Variants in SLC39A14 observed in about 807,000 individuals in gnomAD.
SLC39A14 encodes solute carrier family 39 member 14.
SLC39A14 carries 19 observed loss-of-function variants against 45.5 expected under a neutral mutation model. The observed-to-expected ratio is 0.42, with a 90% confidence interval of 0.29 to 0.61. The LOEUF (loss-of-function observed/expected upper bound fraction) is 0.61. Among genes scored for constraint, SLC39A14 ranks in the 20% least tolerant of loss-of-function variants. SLC39A14 has a pLI of 0.22. For missense variants in SLC39A14, 447 were observed against 616.5 expected, an observed-to-expected ratio of 0.73 and a Z score of 2.91; for synonymous variants, 264 against 251.3, an observed-to-expected ratio of 1.05 and a Z score of -0.48.
At chr8:22,432,379 T>C (rs941197758) in intron 8 of SLC39A14, among the ~76,000 whole-genome samples, 1 of 135,032 alleles carries the variant, frequency 7.4e-6, no homozygotes, top group African/African-American at 2.6e-5. Flanking sequence ...GAAAAGTGCT[T>C]CCTTCTTTTT....
chr8:22,393,157 G>A, intron 1 of SLC39A14: 6 of 978,546 alleles, frequency 6.1e-6, no homozygotes, highest in Non-Finnish European at 7.3e-6. Context: ...CACCCTGGGT[G>A]CGCTTTGACT....
At chr8:22,380,767 C>A (rs1485096667) in intron 1 of SLC39A14, among the ~76,000 whole-genome samples, 1 of 151,716 alleles carries the variant, frequency 6.6e-6, no homozygotes, top group Non-Finnish European at 1.5e-5. Flanking sequence ...GATTTGACCT[C>A]CCGGGCTCAA....
chr8:22,373,372 A>G (rs1315483187), intron 1 of SLC39A14, among the ~76,000 whole-genome samples: 2 of 152,168 alleles, frequency 1.3e-5, no homozygotes, highest in African/African-American at 2.4e-5. Context: ...TAAAATAATT[A>G]TTTATTGGAT....
At chr8:22,417,988 C>T (rs1835990605) in intron 8 of SLC39A14, among the ~76,000 whole-genome samples, 153 bp downstream of exon 8, 1 of 151,918 alleles carries the variant, frequency 6.6e-6, no homozygotes, top group Non-Finnish European at 1.5e-5. Flanking sequence ...CTGCAACCTC[C>T]GCGTCCCGGG....
In SLC39A14 at chr8:22,417,652, A is replaced by C; in HGVS notation, c.1149A>C (p.Gly383=). The C allele has an allele frequency of 3.1e-6, 5 of 1,612,272 alleles. No homozygotes were observed. Among genetic ancestry groups the C allele is most frequent in the Non-Finnish European group, 4.2e-6 (5 of 1,179,256 alleles). ...CCCTTTTCATTCTCGCTGCTGTAGG[A>C]GACTTTGTCATCCTGCTCAACGCTG... The part of the protein sequence containing the change: ...ILCEEFPHEL[G]DFVILLNAGM... The change falls in exon 8 of 9, where the codon GGA becomes GGC. Residue 383 remains glycine (G), a splice_region_variant and synonymous_variant. Coordinates refer to ENST00000381237, the MANE Select transcript of SLC39A14 (RefSeq NM_001128431.4).
Position 22,408,820 on chromosome 8 carries a change from C to CTTTT in SLC39A14, c.457+337_457+340dup, listed in dbSNP as rs71544900. ...GGCCCAACCCTTTGGCTTTTTTAAT[C>CTTTT]TTTTTTTTTTTTTTTTCTGAGATAG... On this transcript the variant is annotated intron_variant, in intron 3 of 8. Transcript: ENST00000381237. 1.8e-3 allele frequency among the ~76,000 whole-genome samples: 238 copies of CTTTT among 130,536 alleles called. 10 individuals are homozygous for CTTTT. The highest frequency in any genetic ancestry group is 3.2e-3 in the South Asian group (13 of 4,090). The allele number at this position is 130,536 out of a possible 152,430, so 85.6% of individuals were successfully genotyped here.
intron 1 of SLC39A14, among the ~76,000 whole-genome samples, chr8:22,399,209 G>A (rs140700723): frequency 2.0e-5 from 3 of 152,334 alleles, no homozygotes; most frequent in Non-Finnish European, 2.9e-5. Flanking sequence ...GCTTCCTCCT[G>A]CAGCTGGGGC....
chr8:22,386,648 G>A (rs1412054146), intron 1 of SLC39A14, among the ~76,000 whole-genome samples: 1 of 152,210 alleles, frequency 6.6e-6, no homozygotes, highest in Non-Finnish European at 1.5e-5. Flanking sequence ...GAGGGGAGTT[G>A]GGGACTCTGA....
chr8:22,430,878 G>C (rs1171840545), intron 8 of SLC39A14, among the ~76,000 whole-genome samples: 1 of 151,968 alleles, frequency 6.6e-6, no homozygotes, highest in African/African-American at 2.4e-5. Flanking sequence ...TTACCATGTT[G>C]GCCAGGCTGG....
chr8:22,387,827 T>G (rs548698403), intron 1 of SLC39A14, among the ~76,000 whole-genome samples: 9 of 152,244 alleles, frequency 5.9e-5, no homozygotes, highest in Non-Finnish European at 1.2e-4. Context: ...GCCGGGAGCA[T>G]TGGCTCACGC....
At chr8:22,412,955 C>G (rs1835665814) in intron 4 of SLC39A14, among the ~76,000 whole-genome samples, 1 of 152,150 alleles carries the variant, frequency 6.6e-6, no homozygotes, top group Admixed American at 6.6e-5. Context: ...AACAAACAAA[C>G]TCCCACATCA....
intron 1 of SLC39A14, chr8:22,398,706 A>G: frequency 3.0e-6 from 3 of 985,394 alleles, no homozygotes; most frequent in Non-Finnish European, 3.6e-6. Flanking sequence ...CTTAGAAAAA[A>G]GTGCAGCATG....
rs145589140 is a variant in SLC39A14, at chr8:22,411,724, G to A, written c.458-313G>A. Among the ~76,000 whole-genome samples, 1,197 of 152,300 alleles carry A rather than the reference G, an allele frequency of 7.9e-3. 8 individuals carry two copies. The highest frequency in any genetic ancestry group is 0.012 in the Non-Finnish European group (840 of 68,022). ...TGCCAGTCACACCACTGGCAGGAACGATTTGGGGCCACCAGTGGCCACAGG... is the reference window on the plus strand; with the variant it reads ...TGCCAGTCACACCACTGGCAGGAACAATTTGGGGCCACCAGTGGCCACAGG... On this transcript the variant is annotated intron_variant, in intron 3 of 8. Coordinates refer to ENST00000381237, the MANE Select transcript of SLC39A14 (RefSeq NM_001128431.4).
rs1410880504 is a variant in SLC39A14 at position 22,412,048 on chromosome 8, G to A, written c.469G>A (p.Gly157Ser). ...RPSAVEVWGY[G>S]LLCVTVISLC... Reference sequence around the variant, plus strand: ...CCTCCGCACGGCAGTGTGGGGATACGGTCTCCTCTGTGTGACCGTCATCTC... The same window carrying A: ...CCTCCGCACGGCAGTGTGGGGATACAGTCTCCTCTGTGTGACCGTCATCTC... Residue 157 changes from glycine to serine, a missense_variant, in exon 4 of 9, where the codon GGT (glycine) becomes AGT (serine). Transcript: ENST00000381237. 7.1e-6 allele frequency: 11 copies of A among 1,551,076 alleles called. No homozygotes were observed. The highest frequency in any genetic ancestry group is 1.7e-4 in the Middle Eastern group (1 of 5,796).
At chr8:22,425,883 G>GTTTTTTTTTTTTTTTTTTTTTTTTTTTT (rs72023394), downstream of SLC39A14, among the ~76,000 whole-genome samples, 2 of 140,862 alleles carry the variant, frequency 1.4e-5, no homozygotes, top group Admixed American at 7.4e-5. Context: ...GCTCTAGATG[G>GTTTTTTTTTTTTTTTTTTTTTTTTTTTT]TTTTTGTTTT....
intron 1 of SLC39A14, among the ~76,000 whole-genome samples, chr8:22,395,898 C>G (rs1348876493): frequency 2.0e-5 from 3 of 152,148 alleles, no homozygotes; most frequent in African/African-American, 4.8e-5. Context: ...CCAGGTTTGT[C>G]CCCACCTCTC....
intron 8 of SLC39A14, among the ~76,000 whole-genome samples, chr8:22,433,118 T>A (rs1173328395): frequency 6.6e-6 from 1 of 151,928 alleles, no homozygotes. Flanking sequence ...TTTCACCTAT[T>A]TATAAAGCAA....
chr8:22,399,781 G>A (rs546171569), intron 1 of SLC39A14, among the ~76,000 whole-genome samples: 117 of 152,372 alleles, frequency 7.7e-4, no homozygotes, highest in Admixed American at 5.2e-3. Flanking sequence ...TAAATGCTTC[G>A]TAGATGCTCA....
chr8:22,384,763 AT>A (rs1833698108), intron 1 of SLC39A14, among the ~76,000 whole-genome samples: 1 of 136,778 alleles, frequency 7.3e-6, no homozygotes, highest in African/African-American at 2.8e-5. Flanking sequence ...AAAAAAAAAA[AT>A]CTTGGCCGGG....
Sources: gnomAD v4.1 joint callset for allele counts (sites outside exome capture counted in the v4.1 genomes callset) on GRCh38, gnomAD v4.1.1 for gene constraint, MANE v1.5 for transcripts, NCBI Gene and HGNC (gene_info 2026-07-23, HGNC 2026-07-21) for gene names.